SMARCD2: variants seen among roughly 807,000 people sequenced by gnomAD.
The protein encoded by SMARCD2 is SWI/SNF related BAF chromatin remodeling complex subunit D2.
SMARCD2 carries 39 observed loss-of-function variants against 70.4 expected under a neutral mutation model. The ratio of observed to expected loss-of-function variants is 0.55; its 90% CI spans 0.43 to 0.72. The LOEUF (loss-of-function observed/expected upper bound fraction) is 0.72. Ranked by LOEUF, SMARCD2 falls within the 30% of genes least tolerant of loss-of-function variation. SMARCD2 has a pLI of 0.00. For synonymous variants in SMARCD2, 249 were observed against 279.4 expected (o/e 0.89, Z 1.08); for missense variants, 540 against 713.4 (o/e 0.76, Z 2.77).
Position 63,832,470 on chromosome 17 carries a change from G to C in SMARCD2, c.*468C>G. On this transcript the variant is annotated 3_prime_UTR_variant, in exon 13 of 13. Transcript: ENST00000448276. ...CCCAAAATAGTGCAAATACCCAAAG[G>C]AAAGGAAAAAACCAGCAGCAAGGCT... The C allele has an allele frequency of 4.8e-6, 1 of 208,764 alleles. No homozygotes were observed. The highest frequency in any genetic ancestry group is 9.7e-6 in the Non-Finnish European group (1 of 103,042). The allele number at this position is 208,764 out of a possible 1,614,324, so 12.9% of individuals were successfully genotyped here.
At chr17:63,835,685 G>T in intron 4 of SMARCD2, 118 bp from the exon 5 acceptor site, 1 of 913,734 alleles carries the variant, frequency 1.1e-6, no homozygotes, top group Non-Finnish European at 1.6e-6. Flanking sequence ...AGCCAGCCAG[G>T]CACCTTGTCA....
chr17:63,834,408 C>G lies in SMARCD2; in HGVS notation c.921+66G>C. The stretch of plus-strand genomic sequence containing the variant: ...AATAGGGCAGGGACAGGAAGGGTTT[C>G]TAGGAACCAGCTCCCCTCCTGAGGG... On this transcript the variant is annotated intron_variant, in intron 7 of 12. Coordinates refer to ENST00000448276, the MANE Select transcript of SMARCD2 (RefSeq NM_001098426.2). The surrounding 1 kb of genome is among the most constrained non-coding windows in gnomAD (Gnocchi z 5.6). 6.4e-7 allele frequency: 1 copy of G among 1,567,326 alleles called. No individual in the cohort carries two copies. The highest frequency in any genetic ancestry group is 8.7e-7 in the Non-Finnish European group (1 of 1,147,924).
chr17:63,834,074 T>C lies in SMARCD2; in HGVS notation c.1084-68A>G, dbSNP rs2040232755. On this transcript the variant is annotated intron_variant, in intron 8 of 12. Coordinates refer to ENST00000448276, the MANE Select transcript of SMARCD2 (RefSeq NM_001098426.2). The surrounding 1 kb of genome is among the most constrained non-coding windows in gnomAD (Gnocchi z 5.6). ...GTGGAGTGGACCATTCCAGGACCAG[T>C]GAGGGCAGCAGTCTGCAGGCTGTGG... is the stretch of plus-strand genomic sequence containing the variant. 1 of 1,591,770 alleles carries C rather than the reference T, an allele frequency of 6.3e-7. No individual in the cohort carries two copies.
In SMARCD2 at chr17:63,833,448, G is replaced by T; in HGVS notation, c.1318-28C>A. ...GGAGAGGGTACCTGTGTCAGACTGT[G>T]CCCCCAAAGCTTACATGCAAGCAAC... On this transcript the variant is annotated intron_variant, in intron 10 of 12. Transcript: ENST00000448276. The surrounding 1 kb of genome is among the most constrained non-coding windows in gnomAD (Gnocchi z 4.3). 1 of 1,612,706 alleles carries T rather than the reference G, an allele frequency of 6.2e-7. No homozygotes were observed. The highest frequency in any genetic ancestry group is 8.5e-7 in the Non-Finnish European group (1 of 1,179,032).
intron 1 of SMARCD2, 96 bp downstream of exon 1, chr17:63,842,363 A>G (rs2665799): frequency 0.34 from 402,015 of 1,196,330 alleles, 70,745 homozygotes; most frequent in South Asian, 0.56. Flanking sequence ...TTCCTCATGC[A>G]TTCCCCAGGG....
intron 1 of SMARCD2, among the ~76,000 whole-genome samples, chr17:63,841,783 GC>G (rs149343185): frequency 0.011 from 1,720 of 152,332 alleles, 27 homozygotes; most frequent in African/African-American, 0.04. Context: ...GAGGCAGAAA[GC>G]CCAGAAGAGA....
At chr17:63,839,372 G>A (rs1189089824) in intron 1 of SMARCD2, 1 of 258,302 alleles carries the variant, frequency 3.9e-6, no homozygotes, top group Non-Finnish European at 6.1e-6. Context: ...AGGTGCTCCG[G>A]TAACAGGAAG....
In SMARCD2 at chr17:63,833,062, G is replaced by A. The variant is rs779263288; in HGVS notation, c.1542+7C>T. On this transcript the variant is annotated splice_region_variant and intron_variant, in intron 12 of 12. Transcript: ENST00000448276. This position sits in a 1 kb window ranked among gnomAD's most constrained non-coding sequence, Gnocchi z 4.3. ...GCCAAAGGAGGGAAAACAGGGCAGA[G>A]CCTCACCTTGGCAAAGATGTGCCTG... is the stretch of plus-strand genomic sequence containing the variant. The A allele has an allele frequency of 1.3e-5, 20 of 1,591,494 alleles. No homozygotes were observed. Among genetic ancestry groups the A allele is most frequent in the South Asian group, 4.6e-5 (4 of 87,538 alleles).
rs1349458020 is a variant in SMARCD2, at chr17:63,833,228, C to T, written c.1441-58G>A. The T allele has an allele frequency of 3.7e-6, 6 of 1,612,464 alleles. No individual in the cohort carries two copies. The highest frequency in any genetic ancestry group is 1.7e-5 in the Admixed American group (1 of 59,944). On this transcript the variant is annotated intron_variant, in intron 11 of 12. Transcript: ENST00000448276. This position sits in a 1 kb window ranked among gnomAD's most constrained non-coding sequence, Gnocchi z 4.3. ...ATCCCCACCCCTGGGCTAATCCACC[C>T]TGGGAACTGCTGTGGGTAAAAATCA...
chr17:63,833,080 T>C lies in SMARCD2; in HGVS notation c.1531A>G (p.Ile511Val). The part of the protein sequence containing the change: ...PWAQEAVGRH[I>V]FAKVQQRRQE... ...GGGCAGAGCCTCACCTTGGCAAAGATGTGCCTGCCTACTGCTTCCTGGGCC... is the reference window on the plus strand; with the variant it reads ...GGGCAGAGCCTCACCTTGGCAAAGACGTGCCTGCCTACTGCTTCCTGGGCC... Residue 511 changes from isoleucine (I) to valine (V), a missense_variant, in exon 12 of 13, where the codon ATC becomes GTC. Ile to Val is a conservative substitution (Grantham distance 29). Transcript: ENST00000448276. This position sits in a 1 kb window ranked among gnomAD's most constrained non-coding sequence, Gnocchi z 4.3. 1 of 1,598,630 alleles carries C rather than the reference T, an allele frequency of 6.3e-7. No homozygotes were observed. The highest frequency in any genetic ancestry group is 1.7e-5 in the Admixed American group (1 of 57,736).
rs1309558591 is a variant in SMARCD2 at position 63,834,182 on chromosome 17, G to A, written c.1068C>T (p.Asn356=). 6.2e-7 allele frequency: 1 copy of A among 1,608,464 alleles called. No homozygotes were observed. The highest frequency in any genetic ancestry group is 2.2e-5 in the East Asian group (1 of 44,714). Reference sequence around the variant, plus strand: ...TCTGGCTAACCTGGCGGAAGTAACGGTTGCAGTTGATGTACTCCCGCTCGT... The same window carrying A: ...TCTGGCTAACCTGGCGGAAGTAACGATTGCAGTTGATGTACTCCCGCTCGT... The part of the protein sequence containing the change: ...DGHEREYINC[N]RYFRQIFSCG... Residue 356 remains asparagine (N), a synonymous_variant, in exon 8 of 13, where the codon AAC becomes AAT. Transcript: ENST00000448276. The surrounding 1 kb of genome is among the most constrained non-coding windows in gnomAD (Gnocchi z 5.6).
At chr17:63,841,255 G>GA (rs903400310) in intron 1 of SMARCD2, among the ~76,000 whole-genome samples, 9 of 151,576 alleles carry the variant, frequency 5.9e-5, no homozygotes, top group East Asian at 1.9e-4. Flanking sequence ...GAGTAAGAAG[G>GA]AAAAAAAAAT....
chr17:63,839,985 C>G (rs1444406096), intron 1 of SMARCD2, among the ~76,000 whole-genome samples: 2 of 151,994 alleles, frequency 1.3e-5, no homozygotes, highest in Non-Finnish European at 2.9e-5. Context: ...AAAAATTAGC[C>G]GGGCGTGGTG....
At chr17:63,836,876 G>T (rs1295825086) in intron 4 of SMARCD2, 46 bp downstream of exon 4, 13 of 1,583,334 alleles carry the variant, frequency 8.2e-6, no homozygotes, top group Non-Finnish European at 1.1e-5. Context: ...GGGGGTGGAA[G>T]GCAAGGAAAC....
intron 1 of SMARCD2, among the ~76,000 whole-genome samples, chr17:63,839,962 A>T (rs1904391047): frequency 6.6e-6 from 1 of 152,024 alleles, no homozygotes; most frequent in Non-Finnish European, 1.5e-5. Flanking sequence ...CCTCGTCTCT[A>T]CTAAAAATAC....
At position 63,837,139 on chromosome 17, in the gene SMARCD2, C is replaced by T. The variant is rs1353815598; in HGVS notation, c.444+56G>A. 1.2e-6 allele frequency: 2 copies of T among 1,610,914 alleles called. No individual in the cohort carries two copies. The highest frequency in any genetic ancestry group is 1.7e-6 in the Non-Finnish European group (2 of 1,177,446). ...GCAGCCCAGCTTTGAGAGAGATGGACACCCACCCCAAGGTGGCCACTGGGC... is the reference window on the plus strand; with the variant it reads ...GCAGCCCAGCTTTGAGAGAGATGGATACCCACCCCAAGGTGGCCACTGGGC... On this transcript the variant is annotated intron_variant, in intron 3 of 12. Coordinates refer to ENST00000448276, the MANE Select transcript of SMARCD2 (RefSeq NM_001098426.2). The surrounding 1 kb of genome is among the most constrained non-coding windows in gnomAD (Gnocchi z 6.4).
chr17:63,838,214 C>A (rs901540296), intron 1 of SMARCD2, among the ~76,000 whole-genome samples: 6 of 152,034 alleles, frequency 3.9e-5, no homozygotes, highest in African/African-American at 1.5e-4. Flanking sequence ...TGGCTTGGAA[C>A]GTGTACCAGC....
Position 63,837,267 on chromosome 17 carries a change from T to C in SMARCD2, c.402-30A>G, listed in dbSNP as rs779366535. 14 of 1,609,870 alleles carry C rather than the reference T, an allele frequency of 8.7e-6. No homozygotes were observed. The East Asian group carries it at 1.1e-4, about 13-fold the overall frequency. ...GGAGGACAGAAACCCACTTAAGAGG[T>C]CAATGGTCCAAAAAAGGACACTCAC... On this transcript the variant is annotated intron_variant, in intron 2 of 12. Coordinates refer to ENST00000448276, the MANE Select transcript of SMARCD2 (RefSeq NM_001098426.2). The surrounding 1 kb of genome is among the most constrained non-coding windows in gnomAD (Gnocchi z 6.4).
At chr17:63,842,102 G>C (rs926298053) in intron 1 of SMARCD2, among the ~76,000 whole-genome samples, 1 of 152,154 alleles carries the variant, frequency 6.6e-6, no homozygotes, top group Non-Finnish European at 1.5e-5. Flanking sequence ...TTCTCAGCGA[G>C]GGCCCTTTCC....
Sources: allele counts gnomAD v4.1 joint callset (sites outside exome capture counted in the v4.1 genomes callset), GRCh38; gene constraint gnomAD v4.1.1; non-coding constraint Gnocchi (gnomAD v3.1); transcripts MANE v1.5; gene names NCBI Gene and HGNC (gene_info 2026-07-23, HGNC 2026-07-21).